TUSC3: variants seen among roughly 807,000 people sequenced by gnomAD.
TUSC3 encodes the protein dolichyl-diphosphooligosaccharide--protein glycosyltransferase subunit TUSC3.
Under a neutral mutation model 44.8 loss-of-function variants are expected in TUSC3, and 45 were observed. The ratio of observed to expected loss-of-function variants is 1.00; its 90% CI spans 0.79 to 1.29. The LOEUF is 1.29. TUSC3 is among the 50% of genes most tolerant of loss of function. TUSC3 has a pLI of 0.00. For synonymous variants in TUSC3, 212 were observed against 152.9 expected (o/e 1.39, Z -2.85); for missense variants, 519 against 437.9 (o/e 1.19, Z -1.65).
intron 2 of TUSC3, among the ~76,000 whole-genome samples, chr8:15,514,398 T>C (rs111885906): frequency 3.6e-4 from 55 of 152,348 alleles, no homozygotes; most frequent in African/African-American, 1.3e-3. Flanking sequence ...ATACAGAAAC[T>C]TGCTCATGAT....
intron 2 of TUSC3, among the ~76,000 whole-genome samples, chr8:15,627,969 G>T (rs1441966081): frequency 6.6e-6 from 1 of 152,176 alleles, no homozygotes; most frequent in Non-Finnish European, 1.5e-5. Flanking sequence ...GGCCACAGAG[G>T]TTTCCATCTG....
intron 5 of TUSC3, among the ~76,000 whole-genome samples, chr8:15,667,028 C>T (rs1432645736): frequency 2.6e-5 from 4 of 151,466 alleles, no homozygotes; most frequent in African/African-American, 9.7e-5. Flanking sequence ...TTTGAATGTT[C>T]TTGGCTGAGT....
At chr8:15,767,227 C>A, downstream of TUSC3, among the ~76,000 whole-genome samples, 2 of 152,052 alleles carry the variant, frequency 1.3e-5, 1 homozygote, top group Non-Finnish European at 2.9e-5. Flanking sequence ...GTCTGAAATA[C>A]ATGCATATAT....
At chr8:15,676,056 G>A (rs1014815733) in intron 6 of TUSC3, among the ~76,000 whole-genome samples, 1 of 152,072 alleles carries the variant, frequency 6.6e-6, no homozygotes, top group Non-Finnish European at 1.5e-5. Flanking sequence ...CACCAGCAGT[G>A]TATGTGTTCC....
chr8:15,810,690 A>T, the TUSC3 span, among the ~76,000 whole-genome samples: 1 of 152,112 alleles, frequency 6.6e-6, no homozygotes, highest in African/African-American at 2.4e-5. Context: ...ATCCCCAAAT[A>T]TATTTCTTTG....
chr8:15,652,240 C>T (rs986320702), intron 3 of TUSC3, among the ~76,000 whole-genome samples: 11 of 152,178 alleles, frequency 7.2e-5, no homozygotes, highest in Admixed American at 4.6e-4. Flanking sequence ...CTTACCAGGT[C>T]ATGGAAAAGC....
chr8:15,720,689 A>T (rs1429788094), intron 6 of TUSC3, among the ~76,000 whole-genome samples: 1 of 152,108 alleles, frequency 6.6e-6, no homozygotes, highest in Non-Finnish European at 1.5e-5. Flanking sequence ...GGTGAACTTT[A>T]GGGGAAATGT....
the TUSC3 span, among the ~76,000 whole-genome samples, chr8:15,829,695 A>G: frequency 7.9e-5 from 12 of 152,148 alleles, no homozygotes; most frequent in East Asian, 2.3e-3. Context: ...AGATTATGAA[A>G]CATTTTCCAG....
the TUSC3 span, among the ~76,000 whole-genome samples, chr8:15,830,766 G>A: frequency 5.9e-5 from 9 of 152,138 alleles, no homozygotes; most frequent in East Asian, 1.9e-4. Context: ...AAGGGAGGAA[G>A]GTGGAAGGGG....
the TUSC3 span, among the ~76,000 whole-genome samples, chr8:15,840,141 A>G: frequency 6.6e-6 from 1 of 151,908 alleles, no homozygotes; most frequent in Non-Finnish European, 1.5e-5. Context: ...AAAAACAAAC[A>G]CCGCATACTC....
chr8:15,509,299 G>A (rs1457261951), intron 2 of TUSC3, among the ~76,000 whole-genome samples: 1 of 152,114 alleles, frequency 6.6e-6, no homozygotes, highest in Non-Finnish European at 1.5e-5. Flanking sequence ...TTAACTGAAT[G>A]CTACGTGAAA....
intron 10 of TUSC3, among the ~76,000 whole-genome samples, chr8:15,759,498 A>T (rs1315220923): frequency 6.6e-6 from 1 of 152,062 alleles, no homozygotes; most frequent in Admixed American, 6.6e-5. Context: ...AAAAAAACAA[A>T]ACAAACAGCA....
intron 6 of TUSC3, among the ~76,000 whole-genome samples, chr8:15,705,441 A>C (rs907610493): frequency 6.6e-6 from 1 of 152,134 alleles, no homozygotes; most frequent in South Asian, 2.1e-4. Context: ...AATTAGATTG[A>C]TCACCTAACA....
chr8:15,620,565 A>G (rs1443939601), intron 1 of TUSC3, among the ~76,000 whole-genome samples: 1 of 152,318 alleles, frequency 6.6e-6, no homozygotes, highest in Non-Finnish European at 1.5e-5. Context: ...TAATTGTATG[A>G]TAACTAGAAG....
At chr8:15,433,850 G>A (rs1226979959) in intron 1 of TUSC3, among the ~76,000 whole-genome samples, 1 of 152,114 alleles carries the variant, frequency 6.6e-6, no homozygotes, top group African/African-American at 2.4e-5. Flanking sequence ...ATTTTTTCCA[G>A]TTGGGGGTCA....
chr8:15,540,304 G>T lies in TUSC3; in HGVS notation c.-127G>T. 1 of 1,307,806 alleles carries T rather than the reference G, an allele frequency of 7.6e-7. No homozygotes were observed. Among genetic ancestry groups the T allele is most frequent in the South Asian group, 1.9e-5 (1 of 54,040 alleles). 81.0% of individuals were successfully genotyped at this position (1,307,806 alleles called of 1,614,324 possible). A position where few individuals can be genotyped will look rare whatever the true frequency, so the allele number is the denominator to read the frequency against. ...TCCTCGGCCGCGGCCCGGGTCCCTCGCAAAGCCGCTGCCATCCCGGAGGGC... is the reference window on the plus strand; with the variant it reads ...TCCTCGGCCGCGGCCCGGGTCCCTCTCAAAGCCGCTGCCATCCCGGAGGGC... On this transcript the variant is annotated 5_prime_UTR_variant, in exon 1 of 11. Coordinates refer to ENST00000503731, the MANE Select transcript of TUSC3 (RefSeq NM_006765.4).
chr8:15,584,652 G>C (rs1039570283), intron 1 of TUSC3, among the ~76,000 whole-genome samples: 1 of 152,106 alleles, frequency 6.6e-6, no homozygotes, highest in Non-Finnish European at 1.5e-5. Context: ...ATGAGGAAGA[G>C]TGTGACATGA....
chr8:15,846,147 G>C, the TUSC3 span, among the ~76,000 whole-genome samples: 9 of 152,182 alleles, frequency 5.9e-5, no homozygotes, highest in Non-Finnish European at 1.2e-4. Context: ...AATTCTGGGA[G>C]ATATAATTCC....
chr8:15,509,973 C>A (rs918957603), intron 2 of TUSC3, among the ~76,000 whole-genome samples: 1 of 152,126 alleles, frequency 6.6e-6, no homozygotes, highest in African/African-American at 2.4e-5. Flanking sequence ...AGTTTGAGAG[C>A]AGCCTGAGCC....
Sources: gnomAD v4.1 joint callset for allele counts (sites outside exome capture counted in the v4.1 genomes callset) on GRCh38, gnomAD v4.1.1 for gene constraint, MANE v1.5 for transcripts, NCBI Gene and HGNC (gene_info 2026-07-23, HGNC 2026-07-21) for gene names.